Variants in KHDRBS2 observed in about 807,000 individuals in gnomAD.
KHDRBS2 encodes the protein KH RNA binding domain containing, signal transduction associated 2, also known as KH domain-containing, RNA-binding, signal transduction-associated protein 2.
In KHDRBS2, 26 loss-of-function variants were observed where a neutral mutation model predicts 44.3. The observed-to-expected ratio is 0.59, with a 90% confidence interval of 0.43 to 0.81. The LOEUF (loss-of-function observed/expected upper bound fraction) is 0.81, where lower values mean the gene tolerates loss of function less well. KHDRBS2 is among the 40% of genes least tolerant of loss of function. KHDRBS2 has a pLI of 0.00. For missense variants in KHDRBS2, 476 were observed against 433.1 expected (o/e 1.10, Z -0.88); for synonymous variants, 194 against 151.1 (o/e 1.28, Z -2.08).
rs16869262 is a variant in KHDRBS2, at chr6:62,038,575, C to G, written c.336+9303G>C. ...AAATAGATCACTGTCAAATAAACAT[C>G]ACTGCAACTAATGAAATTCAGAATC... On this transcript the variant is annotated intron_variant, in intron 3 of 8. Transcript: ENST00000281156. Among the ~76,000 whole-genome samples the G allele has an allele frequency of 8.2e-3, 1,244 of 152,116 alleles. 16 individuals carry two copies. Among genetic ancestry groups the G allele is most frequent in the African/African-American group, 0.029 (1,205 of 41,540 alleles).
the KHDRBS2 span, among the ~76,000 whole-genome samples, chr6:61,595,773 C>A: frequency 6.6e-6 from 1 of 151,722 alleles, no homozygotes; most frequent in East Asian, 1.9e-4. Flanking sequence ...AAAACGATGT[C>A]AAAGTATATA....
At chr6:62,196,198 G>A (rs1260961229) in intron 1 of KHDRBS2, among the ~76,000 whole-genome samples, 1 of 152,114 alleles carries the variant, frequency 6.6e-6, no homozygotes, top group Non-Finnish European at 1.5e-5. Context: ...TAGGGTAGTG[G>A]TGCAAATGGA....
chr6:62,262,632 T>C (rs1488570428), intron 1 of KHDRBS2, among the ~76,000 whole-genome samples: 1 of 151,738 alleles, frequency 6.6e-6, no homozygotes, highest in Non-Finnish European at 1.5e-5. Flanking sequence ...CTAACCTATC[T>C]GAAATTCTGA....
At chr6:61,761,571 A>G (rs561651662) in intron 6 of KHDRBS2, among the ~76,000 whole-genome samples, 3 of 152,194 alleles carry the variant, frequency 2.0e-5, no homozygotes, top group Non-Finnish European at 4.4e-5. Context: ...GACCAACACC[A>G]TAAATGTCAA....
intron 3 of KHDRBS2, among the ~76,000 whole-genome samples, chr6:62,040,740 T>A (rs527947002): frequency 6.6e-6 from 1 of 152,218 alleles, no homozygotes; most frequent in African/African-American, 2.4e-5. Flanking sequence ...AAGGCACCTT[T>A]AAACTCTAAG....
chr6:62,011,042 T>C (rs147198420), intron 3 of KHDRBS2, among the ~76,000 whole-genome samples: 82 of 152,272 alleles, frequency 5.4e-4, no homozygotes, highest in African/African-American at 1.9e-3. Flanking sequence ...TGGTTTCTAA[T>C]GAAGAGGTTA....
At chr6:61,612,655 C>A in the KHDRBS2 span, among the ~76,000 whole-genome samples, 66 of 152,202 alleles carry the variant, frequency 4.3e-4, no homozygotes, top group African/African-American at 1.5e-3. Flanking sequence ...CTGTGCCAAG[C>A]ACTTTACATA....
At chr6:61,619,882 A>T in the KHDRBS2 span, among the ~76,000 whole-genome samples, 1 of 152,310 alleles carries the variant, frequency 6.6e-6, no homozygotes, top group African/African-American at 2.4e-5. Context: ...CTATAAACAT[A>T]TATATGCAAG....
At chr6:61,646,758 T>C in the KHDRBS2 span, among the ~76,000 whole-genome samples, 1,364 of 152,232 alleles carry the variant, frequency 9.0e-3, 8 homozygotes, top group Non-Finnish European at 0.013. Flanking sequence ...TTGAGCTCTT[T>C]TGTGTCTGAC....
At chr6:62,126,171 C>A (rs1808919837) in intron 2 of KHDRBS2, among the ~76,000 whole-genome samples, 1 of 152,240 alleles carries the variant, frequency 6.6e-6, no homozygotes, top group African/African-American at 2.4e-5. Flanking sequence ...ACTGAAGAGG[C>A]CGTGGGCCTT....
chr6:62,183,186 T>C (rs1822703562), intron 1 of KHDRBS2, among the ~76,000 whole-genome samples: 1 of 151,850 alleles, frequency 6.6e-6, no homozygotes, highest in Non-Finnish European at 1.5e-5. Context: ...TATTTCTTTT[T>C]ATGATTGGCA....
At chr6:61,817,103 C>T (rs899992174) in intron 6 of KHDRBS2, 4 of 372,806 alleles carry the variant, frequency 1.1e-5, no homozygotes, top group African/African-American at 6.3e-5. Flanking sequence ...TCACATTTCT[C>T]TAGTTTTTCT....
chr6:61,580,822 C>T, the KHDRBS2 span, among the ~76,000 whole-genome samples: 1 of 152,130 alleles, frequency 6.6e-6, no homozygotes, highest in Admixed American at 6.5e-5. Flanking sequence ...TCTAGATGCA[C>T]CATCTTTAAG....
chr6:62,099,614 G>T (rs1801407747), intron 2 of KHDRBS2, among the ~76,000 whole-genome samples: 1 of 152,134 alleles, frequency 6.6e-6, no homozygotes, highest in Non-Finnish European at 1.5e-5. Context: ...GACCTCCCTG[G>T]TGAAGGGCCA....
intron 1 of KHDRBS2, among the ~76,000 whole-genome samples, chr6:62,280,450 C>A (rs1317135268): frequency 6.6e-6 from 1 of 152,142 alleles, no homozygotes; most frequent in Non-Finnish European, 1.5e-5. Flanking sequence ...AGAAGGTCAA[C>A]AGTGGAAAGT....
chr6:62,155,360 TTCA>T (rs1320554617), intron 2 of KHDRBS2, among the ~76,000 whole-genome samples: 2 of 152,208 alleles, frequency 1.3e-5, no homozygotes, highest in African/African-American at 4.8e-5. Flanking sequence ...CTTAGAGACA[TTCA>T]GGTGGAGATA....
intron 6 of KHDRBS2, among the ~76,000 whole-genome samples, chr6:61,803,645 C>A (rs1786646927): frequency 6.6e-6 from 1 of 152,024 alleles, no homozygotes; most frequent in African/African-American, 2.4e-5. Context: ...ATTACTTATG[C>A]CATGAAGAAA....
chr6:61,807,304 G>A (rs1254633715), intron 6 of KHDRBS2, among the ~76,000 whole-genome samples: 1 of 152,038 alleles, frequency 6.6e-6, no homozygotes, highest in Non-Finnish European at 1.5e-5. Context: ...ATTTGGCCCA[G>A]CAATCCCATT....
chr6:61,709,637 T>G (rs934899884), intron 7 of KHDRBS2, among the ~76,000 whole-genome samples: 1 of 151,652 alleles, frequency 6.6e-6, no homozygotes, highest in African/African-American at 2.4e-5. Context: ...GTGAGCAATT[T>G]TATAACAAAA....
Sources: allele counts gnomAD v4.1 joint callset (sites outside exome capture counted in the v4.1 genomes callset), GRCh38; gene constraint gnomAD v4.1.1; transcripts MANE v1.5; gene names NCBI Gene and HGNC (gene_info 2026-07-23, HGNC 2026-07-21).